Variants in GAS7 observed in about 807,000 individuals in gnomAD.
GAS7 encodes growth arrest-specific protein 7.
A neutral mutation model predicts 71.1 loss-of-function variants in GAS7; 28 were observed. The observed-to-expected ratio is 0.39, with a 90% confidence interval of 0.29 to 0.54. The LOEUF (loss-of-function observed/expected upper bound fraction) is 0.54. Among genes scored for constraint, GAS7 ranks in the 20% least tolerant of loss-of-function variants. The pLI is 0.62. For synonymous variants in GAS7, 258 were observed against 245.8 expected (o/e 1.05, Z -0.46); for missense variants, 436 against 627.8 (o/e 0.69, Z 3.27).
At chr17:10,193,502 T>C (rs1339064690) in intron 1 of GAS7, among the ~76,000 whole-genome samples, 1 of 152,122 alleles carries the variant, frequency 6.6e-6, no homozygotes, top group Non-Finnish European at 1.5e-5. Context: ...CCCTTCCAAA[T>C]TGACTCTGGA....
In GAS7 at chr17:10,049,491, A is replaced by T. The variant is rs545156736; in HGVS notation, c.184-29594T>A. 2.8e-4 allele frequency among the ~76,000 whole-genome samples: 42 copies of T among 150,316 alleles called. 1 individual carries two copies. In the East Asian group the frequency reaches 7.9e-3, roughly 28 times the overall value. ...ACACATTAACAAAGCTTATCTTTGT[A>T]TTGGGGGATTCTCCGGTTGTTTCAA... On this transcript the variant is annotated intron_variant, in intron 1 of 13. Transcript: ENST00000432992.
rs140564702 is a variant in GAS7 at position 9,974,930 on chromosome 17, T to C, written c.386-5168A>G. ...ATCCTCAGAGCCCTACTCTCCAGGT[T>C]CCTGTTCCCTGAGGAACCCAAAAGA... On this transcript the variant is annotated intron_variant, in intron 3 of 13. Transcript: ENST00000432992. The surrounding 1 kb of genome is among the most constrained non-coding windows in gnomAD (Gnocchi z 4.0). Among the ~76,000 whole-genome samples the C allele has an allele frequency of 6.6e-6, 1 of 152,312 alleles. No homozygotes were observed. The highest frequency in any genetic ancestry group is 1.9e-4 in the East Asian group (1 of 5,188).
At position 9,959,226 on chromosome 17, in the gene GAS7, C is replaced by T. The variant is rs200910117; in HGVS notation, c.501G>A (p.Lys167=). ...QNLGSSSPSK[K]QSKENTITIN... ...CTGTGATGGTGTTTTCCTTGCTCTG[C>T]TTTTTGCTTGGCGATGAGGATCCCA... The change falls in exon 5 of 14, where the codon AAG becomes AAA. Residue 167 remains lysine (K), a synonymous_variant. Transcript: ENST00000432992. This position sits in a 1 kb window ranked among gnomAD's most constrained non-coding sequence, Gnocchi z 5.0. The T allele has an allele frequency of 1.2e-6, 2 of 1,614,172 alleles. No homozygotes were observed. Among genetic ancestry groups the T allele is most frequent in the Non-Finnish European group, 8.5e-7 (1 of 1,180,008 alleles).
chr17:10,146,123 G>A (rs975453109), intron 1 of GAS7, among the ~76,000 whole-genome samples: 3 of 152,156 alleles, frequency 2.0e-5, no homozygotes, highest in African/African-American at 7.2e-5. Flanking sequence ...AAACTCGGGG[G>A]TAAAACTGTC....
intron 1 of GAS7, among the ~76,000 whole-genome samples, chr17:10,177,879 ACCCAGAGTAACAAAGC>A (rs1000906933): frequency 6.6e-6 from 1 of 152,192 alleles, no homozygotes; most frequent in Non-Finnish European, 1.5e-5. Flanking sequence ...CAGACCAGCC[ACCCAGAGTAACAAAGC>A]CCCCCAACTA....
chr17:10,162,908 C>T (rs533963427), intron 1 of GAS7, among the ~76,000 whole-genome samples: 9 of 152,130 alleles, frequency 5.9e-5, no homozygotes, highest in Non-Finnish European at 8.8e-5. Context: ...GAAAAAGGCT[C>T]TGGGGCTAAA....
At chr17:10,186,391 G>A (rs1196671978) in intron 1 of GAS7, among the ~76,000 whole-genome samples, 1 of 142,748 alleles carries the variant, frequency 7.0e-6, no homozygotes, top group African/African-American at 2.7e-5. Flanking sequence ...CAGGCCCCAC[G>A]TATTCAAAGG....
chr17:10,019,485 C>T lies in GAS7; in HGVS notation c.304+292G>A, dbSNP rs932412710. Among the ~76,000 whole-genome samples, 13 of 152,166 alleles carry T rather than the reference C, an allele frequency of 8.5e-5. 1 individual carries two copies. Among genetic ancestry groups the T allele is most frequent in the Admixed American group, 2.6e-4 (4 of 15,286 alleles). ...ACCCTTCAGAAAACCCAGCCCCAGA[C>T]GAACAGGTTGGGTTTAACACAGATA... On this transcript the variant is annotated intron_variant, in intron 2 of 13. Transcript: ENST00000432992.
chr17:10,109,100 C>T (rs1026275336), intron 1 of GAS7, among the ~76,000 whole-genome samples: 1 of 151,486 alleles, frequency 6.6e-6, no homozygotes, highest in Non-Finnish European at 1.5e-5. Context: ...CCAGAATATA[C>T]AAGGAACTCA....
chr17:10,163,941 C>T (rs2074274338), intron 1 of GAS7, among the ~76,000 whole-genome samples: 1 of 152,222 alleles, frequency 6.6e-6, no homozygotes, highest in Non-Finnish European at 1.5e-5. Flanking sequence ...AGCACACTGT[C>T]TGGTGCAAAG....
chr17:10,140,991 G>A (rs551171498), intron 1 of GAS7, among the ~76,000 whole-genome samples: 1 of 152,222 alleles, frequency 6.6e-6, no homozygotes, highest in South Asian at 2.1e-4. Flanking sequence ...CCAGCTTCTG[G>A]ACTGGCCCCA....
At chr17:10,134,979 C>T (rs866872048) in intron 1 of GAS7, among the ~76,000 whole-genome samples, 12 of 151,984 alleles carry the variant, frequency 7.9e-5, no homozygotes, top group East Asian at 5.8e-4. Flanking sequence ...ACTACAGGTG[C>T]GTGCCACCAC....
intron 1 of GAS7, among the ~76,000 whole-genome samples, chr17:10,172,596 C>T (rs1030210717): frequency 2.0e-5 from 3 of 152,230 alleles, no homozygotes; most frequent in Non-Finnish European, 4.4e-5. Context: ...AGAACTATCA[C>T]TTGACATCTG....
chr17:9,940,452 A>G (rs2068561935), intron 7 of GAS7, among the ~76,000 whole-genome samples: 1 of 152,208 alleles, frequency 6.6e-6, no homozygotes, highest in Non-Finnish European at 1.5e-5. Flanking sequence ...GGTCTCCTAG[A>G]GCTGTGAAGA....
intron 1 of GAS7, among the ~76,000 whole-genome samples, chr17:10,029,248 T>C (rs913390209): frequency 6.6e-6 from 1 of 152,218 alleles, no homozygotes; most frequent in Non-Finnish European, 1.5e-5. Flanking sequence ...ACCTTCATTG[T>C]ACTTCAAGGT....
At chr17:10,058,221 G>T (rs890463533) in intron 1 of GAS7, among the ~76,000 whole-genome samples, 1 of 151,884 alleles carries the variant, frequency 6.6e-6, no homozygotes, top group South Asian at 2.1e-4. Context: ...CTCCCAATGC[G>T]AGAAATACCC....
intron 1 of GAS7, among the ~76,000 whole-genome samples, chr17:10,182,122 C>G (rs190251507): frequency 1.8e-4 from 27 of 152,280 alleles, no homozygotes; most frequent in African/African-American, 6.5e-4. Flanking sequence ...AGTCAAGCAG[C>G]CCATACTGCT....
At chr17:10,176,156 G>A (rs9903599) in intron 1 of GAS7, among the ~76,000 whole-genome samples, 7,182 of 152,300 alleles carry the variant, frequency 0.047, 592 homozygotes, top group African/African-American at 0.16. Flanking sequence ...AGCTCTTACT[G>A]CAAATGATTA....
At chr17:10,178,752 C>T (rs2142139760) in intron 1 of GAS7, among the ~76,000 whole-genome samples, 1 of 112,162 alleles carries the variant, frequency 8.9e-6, no homozygotes, top group Admixed American at 1.3e-4. Flanking sequence ...GCAAAAATTG[C>T]CTCCTCTTTT....
Sources: allele counts gnomAD v4.1 joint callset (sites outside exome capture counted in the v4.1 genomes callset), GRCh38; gene constraint gnomAD v4.1.1; non-coding constraint Gnocchi (gnomAD v3.1); transcripts MANE v1.5; gene names NCBI Gene and HGNC (gene_info 2026-07-23, HGNC 2026-07-21).